The following NPLOC4 variants were observed in gnomAD, a reference collection of about 807,000 sequenced individuals.
NPLOC4 encodes the protein NPL4 homolog, ubiquitin recognition factor.
A neutral mutation model predicts 80.6 loss-of-function variants in NPLOC4; 18 were observed. The observed-to-expected ratio is 0.22, with a 90% CI of 0.15 to 0.33. The LOEUF (loss-of-function observed/expected upper bound fraction) is 0.33, where lower values mean the gene tolerates loss of function less well. Among genes scored for constraint, NPLOC4 ranks in the 10% least tolerant of loss-of-function variants. The pLI is 1.00. For missense variants in NPLOC4, 540 were observed against 786.1 expected (o/e 0.69, Z 3.74); for synonymous variants, 313 against 301.5 (o/e 1.04, Z -0.39).
In NPLOC4 at chr17:81,629,438, T is replaced by C. The variant is rs147150257; in HGVS notation, c.96+287A>G. On this transcript the variant is annotated intron_variant, in intron 2 of 16. Transcript: ENST00000331134. ...CTCCTCACTTCGTGATCCACCCGCC[T>C]TGGTCTCCCGAAGTGCTGGGATTAC... Among the ~76,000 whole-genome samples the C allele has an allele frequency of 7.8e-3, 1,187 of 152,296 alleles. 8 individuals are homozygous for C. The highest frequency in any genetic ancestry group is 0.027 in the African/African-American group (1,138 of 41,584).
chr17:81,619,426 G>A (rs2035601960), intron 3 of NPLOC4, among the ~76,000 whole-genome samples: 1 of 151,748 alleles, frequency 6.6e-6, no homozygotes, highest in African/African-American at 2.4e-5. Flanking sequence ...GCACATGCCT[G>A]TAATCCCAGC....
At chr17:81,594,014 C>T (rs1346365132) in intron 11 of NPLOC4, among the ~76,000 whole-genome samples, 1 of 152,172 alleles carries the variant, frequency 6.6e-6, no homozygotes, top group Non-Finnish European at 1.5e-5. Context: ...TGGCTCACGC[C>T]TGTAATCCCA....
intron 2 of NPLOC4, among the ~76,000 whole-genome samples, chr17:81,627,942 A>AG (rs1302684424): frequency 6.6e-6 from 1 of 151,786 alleles, no homozygotes; most frequent in Non-Finnish European, 1.5e-5. Context: ...TCTCAAAAAA[A>AG]GAAATTTGTA....
intron 8 of NPLOC4, among the ~76,000 whole-genome samples, chr17:81,602,644 G>C (rs2035088456): frequency 6.6e-6 from 1 of 151,430 alleles, no homozygotes; most frequent in African/African-American, 2.4e-5. Flanking sequence ...GGAGGTTGAA[G>C]TGAGTGGAGA....
intron 4 of NPLOC4, among the ~76,000 whole-genome samples, chr17:81,611,489 A>G (rs2035337808): frequency 2.0e-5 from 3 of 151,238 alleles, no homozygotes; most frequent in African/African-American, 7.3e-5. Context: ...AGCTGGGACT[A>G]CAGGTGCACA....
At chr17:81,607,098 G>A (rs11652797) in intron 6 of NPLOC4, among the ~76,000 whole-genome samples, 69,464 of 151,974 alleles carry the variant, frequency 0.46, 16,955 homozygotes, top group Non-Finnish European at 0.55. Flanking sequence ...ACTAACATCC[G>A]AGAAAGCTTT....
chr17:81,595,469 T>TG (rs1307810222), intron 11 of NPLOC4, among the ~76,000 whole-genome samples: 5 of 145,330 alleles, frequency 3.4e-5, no homozygotes, highest in Non-Finnish European at 6.0e-5. Context: ...TTTTTTGAGA[T>TG]GGAGTTTCAC....
chr17:81,633,846 T>C (rs2035994838), intron 1 of NPLOC4, among the ~76,000 whole-genome samples: 1 of 150,980 alleles, frequency 6.6e-6, no homozygotes, highest in Non-Finnish European at 1.5e-5. Flanking sequence ...GCTGGGATTA[T>C]AGGCGCCCGC....
chr17:81,565,104 C>G (rs986618739), intron 16 of NPLOC4: 3 of 584,736 alleles, frequency 5.1e-6, no homozygotes, highest in Admixed American at 6.1e-5. Context: ...CTGCAGGCTT[C>G]TCCTCCTTAC....
At chr17:81,612,269 C>G (rs1006011709) in intron 4 of NPLOC4, among the ~76,000 whole-genome samples, 1 of 152,100 alleles carries the variant, frequency 6.6e-6, no homozygotes, top group African/African-American at 2.4e-5. Flanking sequence ...TTCTTACATG[C>G]GTATGAGCCC....
chr17:81,595,453 C>T (rs77176320), intron 11 of NPLOC4, among the ~76,000 whole-genome samples: 1 of 132,620 alleles, frequency 7.5e-6, no homozygotes, highest in African/African-American at 2.8e-5. Context: ...ACCCGTTTTG[C>T]TTTTTTTTTT....
chr17:81,572,621 G>T lies in NPLOC4; in HGVS notation c.1282-533C>A, dbSNP rs570465953. On this transcript the variant is annotated intron_variant, in intron 12 of 16. Transcript: ENST00000331134. This position sits in a 1 kb window ranked among gnomAD's most constrained non-coding sequence, Gnocchi z 4.5. ...ATTATAACCACAGCCTGAAAAAGCA[G>T]TCGTGCTCTCGGGCACTGGGACTCC... is the stretch of plus-strand genomic sequence containing the variant. Among the ~76,000 whole-genome samples, 2 of 152,342 alleles carry T rather than the reference G, an allele frequency of 1.3e-5. No homozygotes were observed. Among genetic ancestry groups the T allele is most frequent in the South Asian group, 4.1e-4 (2 of 4,830 alleles).
At chr17:81,595,534 A>ATATT (rs375264307) in intron 11 of NPLOC4, among the ~76,000 whole-genome samples, 20 of 139,678 alleles carry the variant, frequency 1.4e-4, no homozygotes, top group Middle Eastern at 3.6e-3. Context: ...ATATATATAT[A>ATATT]TTTTTTTTTT....
intron 1 of NPLOC4, among the ~76,000 whole-genome samples, chr17:81,632,277 G>A (rs553950832): frequency 2.0e-5 from 3 of 151,234 alleles, no homozygotes; most frequent in African/African-American, 4.8e-5. Context: ...CCCTGGCCTA[G>A]CTGATTTTTT....
intron 16 of NPLOC4, chr17:81,563,745 T>C (rs890548731): frequency 4.0e-5 from 14 of 351,674 alleles, no homozygotes; most frequent in South Asian, 1.3e-4. Context: ...TGAGACCTCA[T>C]TGATACAAAA....
intron 2 of NPLOC4, among the ~76,000 whole-genome samples, chr17:81,628,901 GAC>G (rs2035864632): frequency 8.7e-6 from 1 of 114,384 alleles, no homozygotes; most frequent in East Asian, 4.9e-4. Flanking sequence ...TTTTTTTTGA[GAC>G]AGTCTCACTC....
At chr17:81,629,584 A>T in intron 2 of NPLOC4, 141 bp downstream of exon 2, 2 of 657,320 alleles carry the variant, frequency 3.0e-6, no homozygotes, top group South Asian at 3.6e-5. Context: ...AATCCAACCC[A>T]ACTGTGATAG....
intron 11 of NPLOC4, among the ~76,000 whole-genome samples, chr17:81,595,855 C>T (rs1417771142): frequency 1.3e-5 from 2 of 152,086 alleles, no homozygotes; most frequent in Non-Finnish European, 2.9e-5. Context: ...AAAAAGTGGA[C>T]TTTTAATGAG....
At chr17:81,622,043 G>A in intron 3 of NPLOC4, 123 bp downstream of exon 3, 6 of 699,650 alleles carry the variant, frequency 8.6e-6, no homozygotes, top group Non-Finnish European at 1.5e-5. Context: ...GTGTATTCTG[G>A]TCAGTTGATA....
Sources: allele counts gnomAD v4.1 joint callset (sites outside exome capture counted in the v4.1 genomes callset), GRCh38; gene constraint gnomAD v4.1.1; non-coding constraint Gnocchi (gnomAD v3.1); transcripts MANE v1.5; gene names NCBI Gene and HGNC (gene_info 2026-07-23, HGNC 2026-07-21).